Variants in AGBL1 observed in about 807,000 individuals in gnomAD.
AGBL1 encodes cytosolic carboxypeptidase 4.
Under a neutral mutation model 118.9 loss-of-function variants are expected in AGBL1, and 130 were observed. The observed-to-expected ratio is 1.09, with a 90% CI of 0.95 to 1.26. The LOEUF (loss-of-function observed/expected upper bound fraction) is 1.26. Ranked by LOEUF, AGBL1 falls within the 50% of genes most tolerant of loss-of-function variation. AGBL1 has a pLI of 0.00. For missense variants in AGBL1, 1,584 were observed against 1,298.1 expected, an observed-to-expected ratio of 1.22 and a Z score of -3.38; for synonymous variants, 555 against 478.9, an observed-to-expected ratio of 1.16 and a Z score of -2.08.
intron 22 of AGBL1, among the ~76,000 whole-genome samples, chr15:86,721,196 A>C (rs2142720981): frequency 6.6e-6 from 1 of 152,300 alleles, no homozygotes; most frequent in Middle Eastern, 3.4e-3. Context: ...GACACAACAA[A>C]AAAAAAGAAT....
chr15:86,481,242 T>G (rs937212358), intron 18 of AGBL1, among the ~76,000 whole-genome samples: 1 of 152,066 alleles, frequency 6.6e-6, no homozygotes, highest in East Asian at 1.9e-4. Context: ...ATGTGCTAGA[T>G]GCTTTCCTAA....
intron 21 of AGBL1, among the ~76,000 whole-genome samples, chr15:86,643,408 C>G (rs769801447): frequency 1.3e-5 from 2 of 152,020 alleles, no homozygotes; most frequent in Non-Finnish European, 2.9e-5. Flanking sequence ...TTTTAATCTC[C>G]TATATGCCCC....
chr15:86,713,628 C>G (rs1596396368), intron 22 of AGBL1, among the ~76,000 whole-genome samples: 1 of 152,120 alleles, frequency 6.6e-6, no homozygotes, highest in South Asian at 2.1e-4. Context: ...TAATAGAAGA[C>G]AGAACTGTGC....
At chr15:86,196,908 C>CAT (rs1482298698) in intron 5 of AGBL1, among the ~76,000 whole-genome samples, 1 of 151,750 alleles carries the variant, frequency 6.6e-6, no homozygotes, top group African/African-American at 2.4e-5. Context: ...CACACACACA[C>CAT]ACACACACAC....
intron 5 of AGBL1, among the ~76,000 whole-genome samples, chr15:86,161,260 T>A (rs1851691669): frequency 6.6e-6 from 1 of 152,234 alleles, no homozygotes; most frequent in South Asian, 2.1e-4. Context: ...GGAAAGAGGC[T>A]TTTCCACCAA....
chr15:86,718,485 TA>T, intron 22 of AGBL1, among the ~76,000 whole-genome samples: 1 of 152,086 alleles, frequency 6.6e-6, no homozygotes, highest in East Asian at 1.9e-4. Context: ...GGTAGACATG[TA>T]ACAAACCTGC....
chr15:86,898,849 C>T (rs914761136), intron 22 of AGBL1, among the ~76,000 whole-genome samples: 1 of 152,104 alleles, frequency 6.6e-6, no homozygotes, highest in Non-Finnish European at 1.5e-5. Context: ...GATACCATCT[C>T]GCACCAGACA....
rs1485415343 is a variant in AGBL1 at position 86,262,704 on chromosome 15, A to T, written c.970-74A>T. The T allele has an allele frequency of 3.0e-6, 3 of 994,108 alleles. No individual in the cohort carries two copies. In the South Asian group the frequency reaches 4.1e-5, roughly 14 times the overall value. The allele number at this position is 994,108 out of a possible 1,614,324, so 61.6% of individuals were successfully genotyped here. A position where few individuals can be genotyped will look rare whatever the true frequency, so the allele number is the denominator to read the frequency against. On this transcript the variant is annotated intron_variant, in intron 9 of 22. Coordinates refer to ENST00000614907, the MANE Select transcript of AGBL1 (RefSeq NM_001386094.1). Reference sequence around the variant, plus strand: ...ATGTCCTAAGATTCTGAAGAAGCACATACATATCATGTCTTGATGCTTCTC... The same window carrying T: ...ATGTCCTAAGATTCTGAAGAAGCACTTACATATCATGTCTTGATGCTTCTC...
chr15:86,782,397 C>G (rs1056356852), intron 22 of AGBL1, among the ~76,000 whole-genome samples: 2 of 152,114 alleles, frequency 1.3e-5, no homozygotes, highest in African/African-American at 4.8e-5. Flanking sequence ...CAAGACAATT[C>G]AGGTGTAAAC....
At chr15:86,626,900 C>T (rs1037489006) in intron 21 of AGBL1, among the ~76,000 whole-genome samples, 5 of 147,640 alleles carry the variant, frequency 3.4e-5, no homozygotes, top group Non-Finnish European at 7.4e-5. Context: ...TGCAGTGGCA[C>T]AATCTTGGCT....
intron 17 of AGBL1, among the ~76,000 whole-genome samples, chr15:86,301,167 C>T (rs1208777942): frequency 6.6e-6 from 1 of 152,192 alleles, no homozygotes; most frequent in Non-Finnish European, 1.5e-5. Context: ...AAAACTCTCA[C>T]TCTGGACATT....
intron 22 of AGBL1, among the ~76,000 whole-genome samples, chr15:86,877,219 T>A (rs2079823420): frequency 6.6e-6 from 1 of 152,138 alleles, no homozygotes; most frequent in Non-Finnish European, 1.5e-5. Context: ...TCTGCAGGCA[T>A]CCTGGCTGCC....
intron 18 of AGBL1, among the ~76,000 whole-genome samples, chr15:86,443,124 C>A (rs16977213): frequency 0.12 from 18,676 of 152,144 alleles, 1,223 homozygotes; most frequent in Admixed American, 0.17. Flanking sequence ...GTCACTGAGC[C>A]GGAGAAACCT....
In AGBL1 at chr15:86,266,288, C is replaced by T. The variant is rs570198783; in HGVS notation, c.1668-86C>T. 1.3e-4 allele frequency: 126 copies of T among 954,670 alleles called. 1 individual carries two copies. The South Asian group carries it at 1.9e-3, about 14-fold the overall frequency. The allele number at this position is 954,670 out of a possible 1,614,324, so 59.1% of individuals were successfully genotyped here. A position where few individuals can be genotyped will look rare whatever the true frequency, so the allele number is the denominator to read the frequency against. ...GTGCTTTCATATTTTTCTGGTGACC[C>T]CCAAAGTTCTTCCCAGGTGATCACA... is the stretch of plus-strand genomic sequence containing the variant. On this transcript the variant is annotated intron_variant, in intron 11 of 22. Transcript: ENST00000614907.
chr15:86,467,424 C>T lies in AGBL1; in HGVS notation c.2556-55386C>T, dbSNP rs1326560935. ...TTGCTGGGCTCTGTTGGGGTGAGTTCTCCTGAGCAAGACCATTTGGCTTGC... is the reference window on the plus strand; with the variant it reads ...TTGCTGGGCTCTGTTGGGGTGAGTTTTCCTGAGCAAGACCATTTGGCTTGC... On this transcript the variant is annotated intron_variant, in intron 18 of 22. Transcript: ENST00000614907. Among the ~76,000 whole-genome samples, 3 of 152,300 alleles carry T rather than the reference C, an allele frequency of 2.0e-5. No individual in the cohort carries two copies. In the South Asian group the frequency reaches 6.2e-4, roughly 32 times the overall value.
At position 86,426,170 on chromosome 15, in the gene AGBL1, T is replaced by G. The variant is rs148310945; in HGVS notation, c.2555+28624T>G. On this transcript the variant is annotated intron_variant, in intron 18 of 22. Coordinates refer to ENST00000614907, the MANE Select transcript of AGBL1 (RefSeq NM_001386094.1). ...AAACTCTATATTTAGAACTTGAACA[T>G]TGAAGATTTGTACTCTGAAAGACTG... 3.2e-3 allele frequency among the ~76,000 whole-genome samples: 484 copies of G among 152,260 alleles called. 1 individual carries two copies. The highest frequency in any genetic ancestry group is 0.011 in the African/African-American group (458 of 41,556).
In AGBL1 at chr15:86,364,956, CACATATATAT is replaced by C. The variant is rs1418609892; in HGVS notation, c.2375-32408_2375-32399del. 1.0e-4 allele frequency among the ~76,000 whole-genome samples: 9 copies of C among 89,574 alleles called. No individual in the cohort carries two copies. In the South Asian group the frequency reaches 1.0e-3, roughly 10 times the overall value. The allele number at this position is 89,574 out of a possible 152,430, so 58.8% of individuals were successfully genotyped here. ...AGGAGCCGCATTGATTTATATGTCA[CACATATATAT>C]ATATATATATATATATATATATACA... On this transcript the variant is annotated intron_variant, in intron 17 of 22. Transcript: ENST00000614907.
chr15:86,309,435 G>A (rs2079887954), intron 17 of AGBL1, among the ~76,000 whole-genome samples: 1 of 152,070 alleles, frequency 6.6e-6, no homozygotes, highest in African/African-American at 2.4e-5. Flanking sequence ...AGGACCACTA[G>A]TACTATATCG....
At chr15:86,918,210 A>C (rs929583865), downstream of AGBL1, among the ~76,000 whole-genome samples, 1 of 152,242 alleles carries the variant, frequency 6.6e-6, no homozygotes, top group Non-Finnish European at 1.5e-5. Flanking sequence ...TACTATTCAC[A>C]AAACCCCTTT....
Sources: allele counts gnomAD v4.1 joint callset (sites outside exome capture counted in the v4.1 genomes callset), GRCh38; gene constraint gnomAD v4.1.1; transcripts MANE v1.5; gene names NCBI Gene and HGNC (gene_info 2026-07-23, HGNC 2026-07-21).